PPARGC1A: variants seen among roughly 807,000 people sequenced by gnomAD.
The protein encoded by PPARGC1A is PPARG coactivator 1 alpha, also known as peroxisome proliferator-activated receptor gamma coactivator 1-alpha.
Under a neutral mutation model 88.7 loss-of-function variants are expected in PPARGC1A, and 25 were observed. That is an observed-to-expected ratio of 0.28 (90% CI 0.21 to 0.39). The LOEUF is 0.39. Among genes scored for constraint, PPARGC1A ranks in the 10% least tolerant of loss-of-function variants. PPARGC1A has a pLI of 1.00. For missense variants in PPARGC1A, 880 were observed against 968.7 expected (o/e 0.91, Z 1.22); for synonymous variants, 363 against 355.6 (o/e 1.02, Z -0.24).
At chr4:24,362,482 G>A in the PPARGC1A span, among the ~76,000 whole-genome samples, 2 of 151,964 alleles carry the variant, frequency 1.3e-5, no homozygotes, top group African/African-American at 4.8e-5. Flanking sequence ...GCTTGGTTTG[G>A]TTTTTTCTAA....
chr4:24,274,799 A>G, the PPARGC1A span, among the ~76,000 whole-genome samples: 37 of 150,934 alleles, frequency 2.5e-4, no homozygotes, highest in African/African-American at 8.4e-4. Flanking sequence ...GCCCTCACCT[A>G]GCAAATCTAC....
chr4:24,438,393 G>T, the PPARGC1A span, among the ~76,000 whole-genome samples: 4 of 152,110 alleles, frequency 2.6e-5, no homozygotes, highest in Non-Finnish European at 5.9e-5. Context: ...CATTTCTGTG[G>T]ATAATACCCA....
chr4:24,009,154 G>GAGAGAC, the PPARGC1A span, among the ~76,000 whole-genome samples: 1 of 32,736 alleles, frequency 3.1e-5, no homozygotes, highest in Non-Finnish European at 6.5e-5. Context: ...AAAAAAAAGA[G>GAGAGAC]AGAGAAGGCA....
the PPARGC1A span, among the ~76,000 whole-genome samples, chr4:23,997,497 C>CTTTTTTTTTTT: frequency 1.0e-5 from 1 of 96,954 alleles, no homozygotes. Context: ...CAAGAAAGCC[C>CTTTTTTTTTTT]TTTTTTTTTT....
intron 2 of PPARGC1A, among the ~76,000 whole-genome samples, chr4:23,853,149 A>G (rs1301389457): frequency 3.3e-5 from 5 of 152,178 alleles, no homozygotes; most frequent in Non-Finnish European, 4.4e-5. Context: ...TTCATTATAG[A>G]AAGCAAAATA....
the PPARGC1A span, among the ~76,000 whole-genome samples, chr4:24,403,498 C>G: frequency 6.6e-6 from 1 of 152,202 alleles, no homozygotes; most frequent in Non-Finnish European, 1.5e-5. Context: ...CAGAATTATG[C>G]AAAGGCCACC....
rs1015540794 is a variant in PPARGC1A at position 23,813,888 on chromosome 4, G to T, written c.1595C>A (p.Ser532Ter). The change falls in exon 8 of 13, where the codon TCA becomes TAA. Residue 532 changes from serine (S) to a stop codon, truncating the protein, a stop_gained. Transcript: ENST00000264867. LOFTEE classifies it high-confidence loss of function. The stretch of plus-strand genomic sequence containing the variant: ...ACAAGAAGGAGACACATTGAACAAT[G>T]AATAGGATTGCGTGCCATCCCAAGG... The part of the protein sequence containing the change: ...SYPWDGTQSY[S>*]LFNVSPSCSS... 6.2e-7 allele frequency: 1 copy of T among 1,613,944 alleles called. No individual in the cohort carries two copies.
chr4:24,228,775 G>C, the PPARGC1A span, among the ~76,000 whole-genome samples: 2 of 152,174 alleles, frequency 1.3e-5, no homozygotes, highest in Non-Finnish European at 2.9e-5. Flanking sequence ...ATTACAATTA[G>C]TAAGAATTTT....
the PPARGC1A span, among the ~76,000 whole-genome samples, chr4:24,408,961 G>A: frequency 1.3e-5 from 2 of 152,320 alleles, no homozygotes; most frequent in South Asian, 2.1e-4. Flanking sequence ...AAGATTTATA[G>A]AAGAAATGAT....
chr4:24,239,672 G>A, the PPARGC1A span, among the ~76,000 whole-genome samples: 1,562 of 152,260 alleles, frequency 0.01, 9 homozygotes, highest in Admixed American at 0.018. Flanking sequence ...CTGAGCTCCA[G>A]AGTAAGTAGT....
chr4:23,801,190 AACACACAC>A (rs34293917), intron 12 of PPARGC1A, among the ~76,000 whole-genome samples: 2 of 150,030 alleles, frequency 1.3e-5, no homozygotes, highest in South Asian at 2.1e-4. Context: ...TCAGGTTACA[AACACACAC>A]ACACACACAC....
the PPARGC1A span, among the ~76,000 whole-genome samples, chr4:24,172,350 A>C: frequency 6.6e-6 from 1 of 152,208 alleles, no homozygotes; most frequent in African/African-American, 2.4e-5. Context: ...CAAGGCATTC[A>C]TTCATTCATT....
At chr4:24,027,925 T>C in the PPARGC1A span, among the ~76,000 whole-genome samples, 1 of 152,184 alleles carries the variant, frequency 6.6e-6, no homozygotes, top group Non-Finnish European at 1.5e-5. Flanking sequence ...CCAGATACTA[T>C]ACTAAGTGCA....
the PPARGC1A span, among the ~76,000 whole-genome samples, chr4:24,065,646 T>C: frequency 1.3e-5 from 2 of 152,050 alleles, no homozygotes; most frequent in South Asian, 2.1e-4. Context: ...CAAACACCAA[T>C]TGAGAGCCTA....
At chr4:24,155,532 TC>T in the PPARGC1A span, among the ~76,000 whole-genome samples, 1 of 149,994 alleles carries the variant, frequency 6.7e-6, no homozygotes. Context: ...GCCCTGGTAA[TC>T]AAGGCTGCAG....
chr4:23,916,137 T>A, the PPARGC1A span, among the ~76,000 whole-genome samples: 1 of 152,232 alleles, frequency 6.6e-6, no homozygotes, highest in Non-Finnish European at 1.5e-5. Flanking sequence ...AAATCAACTA[T>A]ATAAGGCAAT....
chr4:24,074,252 AC>A, the PPARGC1A span, among the ~76,000 whole-genome samples: 1 of 152,134 alleles, frequency 6.6e-6, no homozygotes. Context: ...CCTACGGAGA[AC>A]CAATTTCTCC....
chr4:24,406,524 T>G, the PPARGC1A span, among the ~76,000 whole-genome samples: 2 of 152,206 alleles, frequency 1.3e-5, no homozygotes, highest in South Asian at 4.1e-4. Flanking sequence ...CAGTGTCTTT[T>G]AAAATAACTA....
At chr4:24,113,261 TAAATGAAGAG>T in the PPARGC1A span, among the ~76,000 whole-genome samples, 1 of 151,366 alleles carries the variant, frequency 6.6e-6, no homozygotes, top group Non-Finnish European at 1.5e-5. Context: ...GGTGAGTAGG[TAAATGAAGAG>T]AAATGAAGAG....
Sources: gnomAD v4.1 joint callset for allele counts (sites outside exome capture counted in the v4.1 genomes callset) on GRCh38, gnomAD v4.1.1 for gene constraint, MANE v1.5 for transcripts, NCBI Gene and HGNC (gene_info 2026-07-23, HGNC 2026-07-21) for gene names.